The following CHRM2 variants were observed in gnomAD, a reference collection of about 807,000 sequenced individuals.
The protein encoded by CHRM2 is cholinergic receptor muscarinic 2.
Under a neutral mutation model 25.0 loss-of-function variants are expected in CHRM2, and 8 were observed. The observed-to-expected ratio is 0.32, with a 90% CI of 0.19 to 0.58. CHRM2 has a LOEUF of 0.58. CHRM2 is among the 20% of genes least tolerant of loss of function. CHRM2 has a pLI of 0.88. For missense variants in CHRM2, 440 were observed against 567.1 expected, an observed-to-expected ratio of 0.78 and a Z score of 2.28; for synonymous variants, 202 against 205.7, an observed-to-expected ratio of 0.98 and a Z score of 0.15.
chr7:136,922,707 T>A (rs1584761709), intron 2 of CHRM2, among the ~76,000 whole-genome samples: 1 of 152,170 alleles, frequency 6.6e-6, no homozygotes, highest in Admixed American at 6.5e-5. Context: ...GAGGTTATTA[T>A]TCTGGGAAGC....
At chr7:136,941,787 G>A (rs1359998311) in intron 2 of CHRM2, among the ~76,000 whole-genome samples, 1 of 152,146 alleles carries the variant, frequency 6.6e-6, no homozygotes, top group Non-Finnish European at 1.5e-5. Context: ...AGGGAGAAGA[G>A]GTATCCTTGT....
rs1476228739 is a variant in CHRM2, at chr7:137,015,897, G to T, written c.1032G>T (p.Val344=). Residue 344 remains valine, a synonymous_variant, in exon 4 of 4, where the codon GTG becomes GTT. Transcript: ENST00000680005. The surrounding 1 kb of genome is among the most constrained non-coding windows in gnomAD (Gnocchi z 5.1). ...CATGTACCCCAACTAATACCACCGT[G>T]GAGGTAGTGGGGTCTTCAGGTCAGA... ...SDSCTPTNTT[V]EVVGSSGQNG... 6.2e-7 allele frequency: 1 copy of T among 1,613,148 alleles called. No homozygotes were observed. The highest frequency in any genetic ancestry group is 2.2e-5 in the East Asian group (1 of 44,752).
At chr7:136,923,990 G>A (rs1025509413) in intron 2 of CHRM2, among the ~76,000 whole-genome samples, 2 of 152,096 alleles carry the variant, frequency 1.3e-5, no homozygotes, top group Non-Finnish European at 2.9e-5. Flanking sequence ...TCTAGCCTGG[G>A]TGACAGAGTG....
At chr7:136,879,284 CCTT>C (rs1563040757) in intron 2 of CHRM2, among the ~76,000 whole-genome samples, 2 of 151,894 alleles carry the variant, frequency 1.3e-5, no homozygotes, top group Non-Finnish European at 1.5e-5. Flanking sequence ...TATTTGATCT[CCTT>C]CTATTTCATA....
chr7:136,892,855 A>T (rs1356564494), intron 2 of CHRM2, among the ~76,000 whole-genome samples: 1 of 151,886 alleles, frequency 6.6e-6, no homozygotes, highest in Non-Finnish European at 1.5e-5. Flanking sequence ...TTTTTAGGAG[A>T]GACGGGATTT....
intron 2 of CHRM2, chr7:136,938,167 C>T: frequency 1.4e-6 from 1 of 701,130 alleles, no homozygotes; most frequent in South Asian, 1.5e-5. Flanking sequence ...ACTATCTCTG[C>T]CCACTCTTCT....
At position 137,019,917 on chromosome 7, in the gene CHRM2, C is replaced by T. The variant is rs1805346568; in HGVS notation, c.*3651C>T. The stretch of plus-strand genomic sequence containing the variant: ...CAGCAATGCAGTCTGTTTTTATTTT[C>T]TCCTACTTAGTTCATTGACAGTTTC... On this transcript the variant is annotated 3_prime_UTR_variant, in exon 4 of 4. Transcript: ENST00000680005. The T allele has an allele frequency of 6.6e-6, 1 of 151,816 alleles. No individual in the cohort carries two copies. Among genetic ancestry groups the T allele is most frequent in the African/African-American group, 2.4e-5 (1 of 41,386 alleles). 9.4% of individuals were successfully genotyped at this position (151,816 alleles called of 1,614,324 possible). A position where few individuals can be genotyped will look rare whatever the true frequency, so the allele number is the denominator to read the frequency against.
chr7:136,889,860 CG>C (rs1184715591), intron 2 of CHRM2, among the ~76,000 whole-genome samples: 1 of 151,898 alleles, frequency 6.6e-6, no homozygotes, highest in African/African-American at 2.4e-5. Context: ...TGTTTAAATT[CG>C]TTAGACTTAG....
chr7:136,902,055 G>A (rs1797242105), intron 2 of CHRM2: 1 of 152,032 alleles, frequency 6.6e-6, no homozygotes, highest in Non-Finnish European at 1.5e-5. Context: ...GTGAAGGGTT[G>A]TTTATAACAG....
At chr7:136,905,261 G>A (rs1322624081) in intron 2 of CHRM2, among the ~76,000 whole-genome samples, 1 of 151,754 alleles carries the variant, frequency 6.6e-6, no homozygotes, top group Non-Finnish European at 1.5e-5. Flanking sequence ...GATAACTGAA[G>A]ATCATTTTCT....
At chr7:137,012,312 G>GT (rs1027828329) in intron 3 of CHRM2, among the ~76,000 whole-genome samples, 3 of 151,914 alleles carry the variant, frequency 2.0e-5, no homozygotes, top group Admixed American at 2.0e-4. Flanking sequence ...ATAATAAAAT[G>GT]TTTTTGTTCA....
chr7:136,879,303 A>G (rs1796168498), intron 2 of CHRM2, among the ~76,000 whole-genome samples: 2 of 151,968 alleles, frequency 1.3e-5, no homozygotes, highest in South Asian at 4.1e-4. Flanking sequence ...TCATACTGTT[A>G]TATCTATTTC....
At chr7:136,974,980 T>TA (rs1802021089) in intron 2 of CHRM2, among the ~76,000 whole-genome samples, 1 of 152,166 alleles carries the variant, frequency 6.6e-6, no homozygotes. Context: ...TGTTATGGGA[T>TA]AAAAAGGTTT....
At chr7:136,966,612 C>A (rs1321305124) in intron 2 of CHRM2, among the ~76,000 whole-genome samples, 1 of 151,864 alleles carries the variant, frequency 6.6e-6, no homozygotes, top group Non-Finnish European at 1.5e-5. Flanking sequence ...CATTGTAAAT[C>A]ATTTTGTACA....
At chr7:136,936,623 A>G (rs1799428505) in intron 2 of CHRM2, among the ~76,000 whole-genome samples, 1 of 152,322 alleles carries the variant, frequency 6.6e-6, no homozygotes, top group East Asian at 1.9e-4. Context: ...TGAGTTTTGT[A>G]TATGCTTAGA....
At chr7:136,921,437 C>T (rs1168818582) in intron 2 of CHRM2, among the ~76,000 whole-genome samples, 1 of 152,084 alleles carries the variant, frequency 6.6e-6, no homozygotes, top group Non-Finnish European at 1.5e-5. Flanking sequence ...AAAATCATTC[C>T]ATTCTCTGAA....
chr7:136,875,123 A>G (rs960868052), intron 2 of CHRM2, among the ~76,000 whole-genome samples: 1 of 150,360 alleles, frequency 6.7e-6, no homozygotes, highest in African/African-American at 2.4e-5. Context: ...ACACACATAT[A>G]TACATATATA....
chr7:137,011,113 G>A (rs144305849), intron 3 of CHRM2, among the ~76,000 whole-genome samples: 168 of 151,824 alleles, frequency 1.1e-3, no homozygotes, highest in Non-Finnish European at 2.0e-3. Flanking sequence ...ATACATATTT[G>A]AGGCATGATA....
intron 2 of CHRM2, among the ~76,000 whole-genome samples, chr7:136,878,714 CT>C (rs1796143998): frequency 6.6e-6 from 1 of 151,750 alleles, no homozygotes; most frequent in Non-Finnish European, 1.5e-5. Context: ...AAATTTATTC[CT>C]TTTTCTTTCT....
Sources: allele counts gnomAD v4.1 joint callset (sites outside exome capture counted in the v4.1 genomes callset), GRCh38; gene constraint gnomAD v4.1.1; non-coding constraint Gnocchi (gnomAD v3.1); transcripts MANE v1.5; gene names NCBI Gene and HGNC (gene_info 2026-07-23, HGNC 2026-07-21).